The following CSN3 variants were observed in gnomAD, a reference collection of about 807,000 sequenced individuals.
CSN3 encodes the protein casein kappa, also known as kappa-casein.
Under a neutral mutation model 9.9 loss-of-function variants are expected in CSN3, and 7 were observed. That is an observed-to-expected ratio of 0.71 (90% CI 0.40 to 1.33). CSN3 has a LOEUF of 1.33. Among genes scored for constraint, CSN3 ranks in the 40% most tolerant of loss-of-function variants. The probability of loss-of-function intolerance (pLI) is 0.01; values close to 1 mark genes in which losing one functional copy is unlikely to be tolerated. For synonymous variants in CSN3, 88 were observed against 82.3 expected (o/e 1.07, Z -0.37); for missense variants, 253 against 227.9 (o/e 1.11, Z -0.71).
intron 2 of CSN3, 125 bp from the exon 3 acceptor site, chr4:70,247,693 T>A (rs1178945385): frequency 7.4e-6 from 6 of 812,300 alleles, no homozygotes; most frequent in Non-Finnish European, 1.2e-5. Flanking sequence ...TCATGAAAAA[T>A]GTTTTAAAAA....
At chr4:70,249,717 T>C (rs1157762232) in intron 4 of CSN3, among the ~76,000 whole-genome samples, 3 of 152,210 alleles carry the variant, frequency 2.0e-5, no homozygotes, top group Non-Finnish European at 2.9e-5. Flanking sequence ...TGAAAATAAT[T>C]GGCAACTTCA....
chr4:70,249,287 A>T lies in CSN3; in HGVS notation c.377A>T (p.Gln126Leu), dbSNP rs199690256. Reference sequence around the variant, plus strand: ...ATTGCCATCCCCCCAAAGAAAATTCAGGATAAAATAATCATCCCTACCATC... The same window carrying T: ...ATTGCCATCCCCCCAAAGAAAATTCTGGATAAAATAATCATCCCTACCATC... Residue 126 changes from glutamine (Q) to leucine (L), a missense_variant, in exon 4 of 5, where the codon CAG (glutamine) becomes CTG (leucine). Physicochemically the swap from Gln to Leu is moderately radical, Grantham distance 113 (BLOSUM62 -2). Coordinates refer to ENST00000304954, the Ensembl canonical transcript of CSN3. The T allele has an allele frequency of 1.7e-4, 280 of 1,614,042 alleles. 2 individuals carry two copies. Among genetic ancestry groups the T allele is most frequent in the Non-Finnish European group, 1.9e-5 (22 of 1,180,036 alleles).
At chr4:70,239,108 T>A (rs564153160), upstream of CSN3, among the ~76,000 whole-genome samples, 1 of 151,818 alleles carries the variant, frequency 6.6e-6, no homozygotes, top group African/African-American at 2.4e-5. Flanking sequence ...GGAGAAAAGA[T>A]AGAGTGGTGG....
At chr4:70,241,507 G>A (rs1308037454), upstream of CSN3, among the ~76,000 whole-genome samples, 1 of 151,980 alleles carries the variant, frequency 6.6e-6, no homozygotes, top group Non-Finnish European at 1.5e-5. Flanking sequence ...ATTCCTGTAA[G>A]TTCCTCAATC....
exon 4 of CSN3, chr4:70,249,334 C>G: frequency 6.2e-7 from 1 of 1,613,984 alleles, no homozygotes; most frequent in Non-Finnish European, 8.5e-7. Context: ...TACTGTTGAA[C>G]CTACACCAGC....
At chr4:70,251,202 T>C (rs537801578) in intron 4 of CSN3, 60 bp from the exon 5 acceptor site, 17 of 152,320 alleles carry the variant, frequency 1.1e-4, no homozygotes, top group African/African-American at 3.8e-4. Flanking sequence ...AATAAATATA[T>C]ATCATGAGAA....
chr4:70,248,668 G>A (rs1730424441), intron 3 of CSN3, among the ~76,000 whole-genome samples: 1 of 151,972 alleles, frequency 6.6e-6, no homozygotes, highest in African/African-American at 2.4e-5. Flanking sequence ...TTTTCTCTGT[G>A]TTGTACCTAC....
chr4:70,240,607 C>G (rs912718600), upstream of CSN3, among the ~76,000 whole-genome samples: 11 of 151,906 alleles, frequency 7.2e-5, no homozygotes, highest in Admixed American at 7.2e-4. Flanking sequence ...TTGCATAGCT[C>G]CATTATAGAA....
exon 4 of CSN3, chr4:70,249,246 C>T (rs1429105824): frequency 6.2e-7 from 1 of 1,614,088 alleles, no homozygotes; most frequent in Admixed American, 1.7e-5. Flanking sequence ...GTCGCCCAAA[C>T]CTGCATCCAT....
intron 1 of CSN3, 31 bp downstream of exon 1, chr4:70,242,696 A>G (rs1578252475): frequency 6.6e-6 from 1 of 152,116 alleles, no homozygotes; most frequent in East Asian, 1.9e-4. Context: ...GGAGAAAGTG[A>G]TCCTTTTCAC....
chr4:70,242,568 C>T (rs1249552198), upstream of CSN3: 1 of 151,542 alleles, frequency 6.6e-6, no homozygotes, highest in Non-Finnish European at 1.5e-5. Flanking sequence ...GTACTAATAC[C>T]CTTTAATTGG....
chr4:70,241,172 C>A (rs1730263090), upstream of CSN3, among the ~76,000 whole-genome samples: 1 of 151,958 alleles, frequency 6.6e-6, no homozygotes, highest in African/African-American at 2.4e-5. Flanking sequence ...GGATCATGAT[C>A]TTTCAACCAC....
chr4:70,247,878 C>G, intron 3 of CSN3, 28 bp downstream of exon 3: 2 of 1,563,166 alleles, frequency 1.3e-6, no homozygotes, highest in Non-Finnish European at 8.7e-7. Context: ...ACTTCTGTTA[C>G]AGGCATGAAC....
chr4:70,248,109 C>A (rs1730415165), intron 3 of CSN3, among the ~76,000 whole-genome samples: 1 of 152,074 alleles, frequency 6.6e-6, no homozygotes, highest in Non-Finnish European at 1.5e-5. Flanking sequence ...TATGAGAAAA[C>A]TCTTTCAACA....
At chr4:70,249,216 C>A in exon 4 of CSN3, 1 of 1,614,010 alleles carries the variant, frequency 6.2e-7, no homozygotes, top group South Asian at 1.1e-5. Flanking sequence ...TGCCAAATAG[C>A]CACCCACCCA....
chr4:70,247,761 A>C lies in CSN3; in HGVS notation c.55-57A>C. 3.0e-6 allele frequency: 4 copies of C among 1,322,024 alleles called. No individual in the cohort carries two copies. The South Asian group carries it at 5.3e-5, about 17-fold the overall frequency. The allele number at this position is 1,322,024 out of a possible 1,614,324, so 81.9% of individuals were successfully genotyped here. A position where few individuals can be genotyped will look rare whatever the true frequency, so the allele number is the denominator to read the frequency against. On this transcript the variant is annotated intron_variant, in intron 2 of 4. Transcript: ENST00000304954. Reference sequence around the variant, plus strand: ...AAAGATTTTTTTAACTGATTTAAGTACTTTTTTTTTCTTTTTTAACTTATT... The same window carrying C: ...AAAGATTTTTTTAACTGATTTAAGTCCTTTTTTTTTCTTTTTTAACTTATT...
chr4:70,238,771 C>T (rs182400307), upstream of CSN3, among the ~76,000 whole-genome samples: 1 of 151,796 alleles, frequency 6.6e-6, no homozygotes, highest in Non-Finnish European at 1.5e-5. Flanking sequence ...ATTAATAATT[C>T]TTCTAACAGG....
chr4:70,248,022 A>G (rs1032589744), intron 3 of CSN3, among the ~76,000 whole-genome samples, 172 bp downstream of exon 3: 1 of 152,174 alleles, frequency 6.6e-6, no homozygotes, highest in South Asian at 2.1e-4. Flanking sequence ...ATGAATCAAC[A>G]TTGATGTTCA....
upstream of CSN3, among the ~76,000 whole-genome samples, chr4:70,238,871 G>A (rs1730221096): frequency 6.6e-6 from 1 of 151,814 alleles, no homozygotes; most frequent in Non-Finnish European, 1.5e-5. Flanking sequence ...TTTCCTAAAG[G>A]AGAAAAGAGA....
Sources: allele counts gnomAD v4.1 joint callset (sites outside exome capture counted in the v4.1 genomes callset), GRCh38; gene constraint gnomAD v4.1.1; transcripts MANE v1.5; gene names NCBI Gene and HGNC (gene_info 2026-07-23, HGNC 2026-07-21).